ERBB4: variants seen among roughly 807,000 people sequenced by gnomAD.
ERBB4 encodes the protein receptor tyrosine-protein kinase erbB-4.
A neutral mutation model predicts 158.0 loss-of-function variants in ERBB4; 42 were observed. The ratio of observed to expected loss-of-function variants is 0.27; its 90% confidence interval spans 0.21 to 0.34. The LOEUF (loss-of-function observed/expected upper bound fraction) is 0.34, where lower values mean the gene tolerates loss of function less well. Ranked by LOEUF, ERBB4 falls within the 10% of genes least tolerant of loss-of-function variation. The pLI is 1.00. For synonymous variants in ERBB4, 583 were observed against 558.7 expected (o/e 1.04, Z -0.61); for missense variants, 1,333 against 1,624.1 (o/e 0.82, Z 3.08).
intron 1 of ERBB4, among the ~76,000 whole-genome samples, chr2:212,498,697 A>G (rs1334587963): frequency 6.6e-6 from 1 of 152,054 alleles, no homozygotes; most frequent in Non-Finnish European, 1.5e-5. Flanking sequence ...TGGGAAATAC[A>G]TCAGGATATT....
At chr2:211,702,250 T>C (rs1000943954) in intron 11 of ERBB4, 84 bp from the exon 12 acceptor site, 6 of 992,860 alleles carry the variant, frequency 6.0e-6, no homozygotes, top group Middle Eastern at 2.3e-4. Context: ...TTAAAAAGAA[T>C]GTTAATGGTG....
intron 4 of ERBB4, among the ~76,000 whole-genome samples, chr2:211,773,656 T>TAATATATAC (rs2075796154): frequency 8.4e-6 from 1 of 119,382 alleles, no homozygotes; most frequent in Non-Finnish European, 1.7e-5. Context: ...ATAATATATA[T>TAATATATAC]ACACACACAC....
chr2:211,716,598 C>T (rs1449037186), intron 7 of ERBB4, among the ~76,000 whole-genome samples: 3 of 151,900 alleles, frequency 2.0e-5, no homozygotes, highest in Admixed American at 6.6e-5. Context: ...ATGGCGTGAA[C>T]CCGGGAGGCG....
At chr2:211,389,851 A>C (rs2062765000) in intron 25 of ERBB4, among the ~76,000 whole-genome samples, 1 of 152,178 alleles carries the variant, frequency 6.6e-6, no homozygotes, top group South Asian at 2.1e-4. Context: ...CTATTATAAA[A>C]ATGTAAAGGA....
chr2:211,387,367 A>G (rs1193245277), intron 26 of ERBB4, among the ~76,000 whole-genome samples: 3 of 152,202 alleles, frequency 2.0e-5, no homozygotes, highest in African/African-American at 4.8e-5. Flanking sequence ...TAATTTTGAA[A>G]TACACATTCT....
intron 1 of ERBB4, among the ~76,000 whole-genome samples, chr2:212,234,179 G>C (rs541022907): frequency 6.3e-4 from 96 of 151,988 alleles, no homozygotes; most frequent in African/African-American, 2.0e-3. Context: ...TTCCCTCCCT[G>C]TGTCCATGTG....
intron 1 of ERBB4, among the ~76,000 whole-genome samples, chr2:212,443,538 G>A (rs2092294765): frequency 6.6e-6 from 1 of 152,148 alleles, no homozygotes; most frequent in African/African-American, 2.4e-5. Flanking sequence ...TATGGATTTT[G>A]GAGGCAACAC....
intron 4 of ERBB4, among the ~76,000 whole-genome samples, chr2:211,757,696 A>C (rs1244673226): frequency 6.6e-6 from 1 of 152,206 alleles, no homozygotes; most frequent in Non-Finnish European, 1.5e-5. Flanking sequence ...GCATCACCTT[A>C]GACAGGATAT....
intron 1 of ERBB4, among the ~76,000 whole-genome samples, chr2:212,484,134 A>G: frequency 6.6e-6 from 1 of 152,206 alleles, no homozygotes; most frequent in East Asian, 1.9e-4. Context: ...ATGAAAAAAA[A>G]GCTAAAAATA....
chr2:211,478,941 A>C (rs905594690), intron 20 of ERBB4, among the ~76,000 whole-genome samples: 1 of 152,020 alleles, frequency 6.6e-6, no homozygotes, highest in Non-Finnish European at 1.5e-5. Context: ...TCCCAACTAC[A>C]TCCTCGGTTT....
At chr2:212,316,266 G>A (rs1037814164) in intron 1 of ERBB4, among the ~76,000 whole-genome samples, 4 of 151,164 alleles carry the variant, frequency 2.6e-5, no homozygotes, top group Admixed American at 2.0e-4. Context: ...AGTCACACAC[G>A]CCCACATGCA....
chr2:212,325,215 G>C (rs1413808217), intron 1 of ERBB4, among the ~76,000 whole-genome samples: 1 of 150,620 alleles, frequency 6.6e-6, no homozygotes, highest in East Asian at 1.9e-4. Context: ...ACCTTAAACT[G>C]TAGTGACTCT....
chr2:212,489,396 T>G (rs555010009), intron 1 of ERBB4, among the ~76,000 whole-genome samples: 89 of 152,042 alleles, frequency 5.9e-4, no homozygotes, highest in African/African-American at 1.9e-3. Flanking sequence ...AGAACCCTAC[T>G]AACCAAGACT....
chr2:211,528,756 C>T (rs2066417253), intron 20 of ERBB4, among the ~76,000 whole-genome samples: 1 of 151,498 alleles, frequency 6.6e-6, no homozygotes, highest in African/African-American at 2.4e-5. Flanking sequence ...TACTGAATGA[C>T]CAGTGGGTCG....
chr2:211,657,726 G>A (rs560073464), intron 16 of ERBB4, 28 bp downstream of exon 16: 27 of 1,574,354 alleles, frequency 1.7e-5, no homozygotes, highest in African/African-American at 1.1e-4. Flanking sequence ...GGATTTGAGC[G>A]ACAAAATGGA....
At chr2:211,609,157 A>G (rs2069097238) in intron 19 of ERBB4, among the ~76,000 whole-genome samples, 1 of 152,082 alleles carries the variant, frequency 6.6e-6, no homozygotes, top group Non-Finnish European at 1.5e-5. Context: ...CATAGAACCT[A>G]GAATCCCTCT....
intron 3 of ERBB4, among the ~76,000 whole-genome samples, chr2:211,867,161 G>A (rs547251191): frequency 2.7e-5 from 4 of 150,760 alleles, no homozygotes; most frequent in East Asian, 2.0e-4. Flanking sequence ...CATTTATTAC[G>A]TATTTGTTTG....
At chr2:211,579,905 TTAACCTACG>T (rs375494658) in intron 19 of ERBB4, among the ~76,000 whole-genome samples, 4 of 152,094 alleles carry the variant, frequency 2.6e-5, no homozygotes, top group African/African-American at 9.7e-5. Context: ...ATGGCACACA[TTAACCTACG>T]TAACCTACGT....
intron 19 of ERBB4, among the ~76,000 whole-genome samples, chr2:211,594,464 AAAC>A (rs2068572575): frequency 6.6e-6 from 1 of 152,092 alleles, no homozygotes; most frequent in African/African-American, 2.4e-5. Flanking sequence ...TAAAAAAAAA[AAAC>A]TAAGCAATAA....
Sources: gnomAD v4.1 joint callset for allele counts (sites outside exome capture counted in the v4.1 genomes callset) on GRCh38, gnomAD v4.1.1 for gene constraint, MANE v1.5 for transcripts, NCBI Gene and HGNC (gene_info 2026-07-23, HGNC 2026-07-21) for gene names.